Variants in APOLD1 observed in about 807,000 individuals in gnomAD.
APOLD1 encodes the protein apolipoprotein L domain containing 1.
Under a neutral mutation model 15.3 loss-of-function variants are expected in APOLD1, and 22 were observed. That is an observed-to-expected ratio of 1.44 (90% confidence interval 1.03 to 2.05). The LOEUF (loss-of-function observed/expected upper bound fraction) is 2.05, where lower values mean the gene tolerates loss of function less well. APOLD1 is among the 30% of genes most tolerant of loss of function. The pLI is 0.00. For synonymous variants in APOLD1, 190 were observed against 167.4 expected, an observed-to-expected ratio of 1.13 and a Z score of -1.04; for missense variants, 394 against 353.5, an observed-to-expected ratio of 1.11 and a Z score of -0.92.
intron 1 of APOLD1, among the ~76,000 whole-genome samples, chr12:12,734,026 A>C (rs976615436): frequency 6.6e-6 from 1 of 152,038 alleles, no homozygotes; most frequent in South Asian, 2.1e-4. Flanking sequence ...TTCTTTAATA[A>C]TTTTTCCTCC....
At chr12:12,754,819 C>G (rs953721011) in intron 1 of APOLD1, among the ~76,000 whole-genome samples, 11 of 149,230 alleles carry the variant, frequency 7.4e-5, no homozygotes, top group African/African-American at 2.7e-4. Context: ...GAGGGAACAT[C>G]GCTTGAGGCC....
upstream of APOLD1, among the ~76,000 whole-genome samples, chr12:12,783,443 T>C (rs1157905857): frequency 6.6e-6 from 1 of 151,784 alleles, no homozygotes; most frequent in Non-Finnish European, 1.5e-5. Context: ...CCTGAGTAGC[T>C]GGGACTACAG....
At chr12:12,755,817 GGC>G (rs1410630889) in intron 1 of APOLD1, among the ~76,000 whole-genome samples, 2 of 152,166 alleles carry the variant, frequency 1.3e-5, no homozygotes, top group Non-Finnish European at 2.9e-5. Context: ...CTCTAACCAG[GGC>G]AAAAGAGTGA....
chr12:12,787,309 T>C lies in APOLD1; in HGVS notation c.404T>C (p.Leu135Pro). Residue 135 changes from leucine to proline, a missense_variant, in exon 2 of 2, where the codon CTG becomes CCG. Transcript: ENST00000356591. The surrounding 1 kb of genome is among the most constrained non-coding windows in gnomAD (Gnocchi z 4.9). ...ATCQDQMREILSCLEFFCRWQ... is the reference protein window; with the variant it reads ...ATCQDQMREIPSCLEFFCRWQ... ...TGCCAGGACCAGATGCGAGAGATCC[T>C]GAGCTGCCTCGAGTTTTTCTGCCGC... 1 of 1,612,748 alleles carries C rather than the reference T, an allele frequency of 6.2e-7. No individual in the cohort carries two copies. Among genetic ancestry groups the C allele is most frequent in the Non-Finnish European group, 8.5e-7 (1 of 1,179,742 alleles).
At chr12:12,730,027 TG>T (rs1946624422) in intron 1 of APOLD1, among the ~76,000 whole-genome samples, 2 of 24,298 alleles carry the variant, frequency 8.2e-5, no homozygotes, top group Admixed American at 3.7e-4. Flanking sequence ...CAGCTAACTT[TG>T]TGTGTGTGTG....
intron 1 of APOLD1, among the ~76,000 whole-genome samples, chr12:12,729,461 C>T (rs1017528177): frequency 5.3e-5 from 8 of 152,044 alleles, no homozygotes; most frequent in African/African-American, 1.7e-4. Flanking sequence ...GATCTCTCTA[C>T]GTTGCCTAGG....
At position 12,736,446 on chromosome 12, in the gene APOLD1, G is replaced by A. The variant is rs184279018; in HGVS notation, c.96+10350G>A. On this transcript the variant is annotated intron_variant, in intron 1 of 1. Transcript: ENST00000326765. ...GGAGGCTGAGGTGGGAGAATCACCT[G>A]AGCCTGGGAGGTCAAGGCTATAGTG... Among the ~76,000 whole-genome samples the A allele has an allele frequency of 3.7e-3, 560 of 152,204 alleles. 2 individuals carry two copies. The highest frequency in any genetic ancestry group is 6.7e-3 in the Non-Finnish European group (457 of 68,016).
Position 12,757,688 on chromosome 12 carries a change from TTTA to T in APOLD1, c.97-29218_97-29216del, listed in dbSNP as rs554906816. Among the ~76,000 whole-genome samples the T allele has an allele frequency of 3.3e-3, 496 of 152,144 alleles. 1 individual carries two copies. The highest frequency in any genetic ancestry group is 0.012 in the African/African-American group (477 of 41,474). On this transcript the variant is annotated intron_variant, in intron 1 of 1. Coordinates refer to the APOLD1 transcript ENST00000326765. Reference sequence around the variant, plus strand: ...TTTTTTTCTTTAAAAAAAAAATCATTTTATTGAGAGGTAATTCACGTAACATAC... The same window carrying T: ...TTTTTTTCTTTAAAAAAAAAATCATTTTGAGAGGTAATTCACGTAACATAC...
chr12:12,755,702 C>T (rs948860743), intron 1 of APOLD1, among the ~76,000 whole-genome samples: 1 of 152,056 alleles, frequency 6.6e-6, no homozygotes, highest in Non-Finnish European at 1.5e-5. Context: ...ATTAGCTGGA[C>T]GTGGTGGCAC....
In APOLD1 at chr12:12,787,116, A is replaced by C; in HGVS notation, c.211A>C (p.Ile71Leu). The change falls in exon 2 of 2, where the codon ATC becomes CTC. Residue 71 changes from isoleucine (I) to leucine (L), a missense_variant. Coordinates refer to ENST00000356591, the MANE Select transcript of APOLD1 (RefSeq NM_030817.3). This position sits in a 1 kb window ranked among gnomAD's most constrained non-coding sequence, Gnocchi z 4.9. ...GAGCGCAACGGGCGCCCTCGCCGCC[A>C]TCGTGGGGCTCTCGCTCAGCCCGGT... ...SLSATGALAAIVGLSLSPVTL... is the reference protein window; with the variant it reads ...SLSATGALAALVGLSLSPVTL... 2 of 1,433,374 alleles carry C rather than the reference A, an allele frequency of 1.4e-6. No individual in the cohort carries two copies. The highest frequency in any genetic ancestry group is 1.8e-6 in the Non-Finnish European group (2 of 1,104,220). The allele number at this position is 1,433,374 out of a possible 1,614,324, so 88.8% of individuals were successfully genotyped here.
chr12:12,755,706 G>A (rs1216162276), intron 1 of APOLD1, among the ~76,000 whole-genome samples: 2 of 152,144 alleles, frequency 1.3e-5, no homozygotes, highest in Non-Finnish European at 2.9e-5. Flanking sequence ...GCTGGACGTG[G>A]TGGCACATGC....
chr12:12,773,586 G>A (rs1027450691), intron 1 of APOLD1, among the ~76,000 whole-genome samples: 1 of 152,054 alleles, frequency 6.6e-6, no homozygotes, highest in African/African-American at 2.4e-5. Context: ...TAGGAGAAAA[G>A]ATTATAAAAA....
intron 1 of APOLD1, among the ~76,000 whole-genome samples, chr12:12,763,514 TG>T (rs71064323): frequency 0.83 from 125,146 of 150,350 alleles, 51,991 homozygotes; most frequent in East Asian, 0.92. Flanking sequence ...ATATTGTGTG[TG>T]GGGGGGGGGA....
At chr12:12,774,676 G>A (rs750443254) in intron 1 of APOLD1, among the ~76,000 whole-genome samples, 2 of 151,878 alleles carry the variant, frequency 1.3e-5, no homozygotes, top group South Asian at 2.1e-4. Flanking sequence ...GAAGATATTG[G>A]TGGTAAATAA....
intron 1 of APOLD1, among the ~76,000 whole-genome samples, chr12:12,746,935 TC>T (rs1226658724): frequency 1.3e-5 from 2 of 152,188 alleles, no homozygotes; most frequent in Admixed American, 1.3e-4. Flanking sequence ...AGGTTAATGG[TC>T]CCCAGCTACA....
chr12:12,785,913 TTC>T (rs1947120330), intron 1 of APOLD1, among the ~76,000 whole-genome samples: 2 of 152,226 alleles, frequency 1.3e-5, no homozygotes, highest in African/African-American at 4.8e-5. Context: ...TGAGAATGAT[TTC>T]TGCCCTGATA....
At chr12:12,783,633 T>G (rs1947102652), upstream of APOLD1, among the ~76,000 whole-genome samples, 1 of 132,128 alleles carries the variant, frequency 7.6e-6, no homozygotes, top group Non-Finnish European at 1.7e-5. Context: ...TTTTTTTGTT[T>G]TTTTTTTTTT....
chr12:12,726,403 T>G (rs1383231304), intron 1 of APOLD1: 1 of 453,468 alleles, frequency 2.2e-6, no homozygotes, highest in East Asian at 5.2e-5. Context: ...AAAGCGTGTG[T>G]ACGTTAAGAT....
intron 1 of APOLD1, among the ~76,000 whole-genome samples, chr12:12,737,663 T>C (rs960858479): frequency 1.3e-5 from 2 of 152,120 alleles, no homozygotes; most frequent in African/African-American, 2.4e-5. Context: ...GAGAGAGTAC[T>C]GATAGAAAGT....
Sources: allele counts gnomAD v4.1 joint callset (sites outside exome capture counted in the v4.1 genomes callset), GRCh38; gene constraint gnomAD v4.1.1; non-coding constraint Gnocchi (gnomAD v3.1); transcripts MANE v1.5; gene names NCBI Gene and HGNC (gene_info 2026-07-23, HGNC 2026-07-21).